The following SYNE2 variants were observed in gnomAD, a reference collection of about 807,000 sequenced individuals.
SYNE2 encodes the protein spectrin repeat containing nuclear envelope protein 2.
SYNE2 carries 431 observed loss-of-function variants against 856.3 expected under a neutral mutation model. The ratio of observed to expected loss-of-function variants is 0.50; its 90% CI spans 0.47 to 0.55. SYNE2 has a LOEUF of 0.55. Among genes scored for constraint, SYNE2 ranks in the 20% least tolerant of loss-of-function variants. SYNE2 has a pLI of 0.00. For synonymous variants in SYNE2, 2,923 were observed against 2,872.3 expected (o/e 1.02, Z -0.56); for missense variants, 8,129 against 8,023.2 (o/e 1.01, Z -0.50).
chr14:63,946,540 T>G, intron 6 of SYNE2, among the ~76,000 whole-genome samples: 1 of 147,912 alleles, frequency 6.8e-6, no homozygotes, highest in South Asian at 2.1e-4. Context: ...AGTATATACA[T>G]TATATATATT....
At chr14:63,869,657 A>AAAAC (rs1415765544) in intron 1 of SYNE2, among the ~76,000 whole-genome samples, 7 of 151,658 alleles carry the variant, frequency 4.6e-5, no homozygotes, top group African/African-American at 1.7e-4. Context: ...AAAAAAAAAA[A>AAAAC]AACTGCTCCC....
intron 19 of SYNE2, among the ~76,000 whole-genome samples, chr14:63,987,015 C>A (rs1282150899): frequency 6.6e-6 from 1 of 152,184 alleles, no homozygotes; most frequent in South Asian, 2.1e-4. Context: ...GCACTTTGGG[C>A]GGTTGAAGTG....
At chr14:63,884,966 G>A (rs34561759) in intron 1 of SYNE2, among the ~76,000 whole-genome samples, 21,113 of 152,112 alleles carry the variant, frequency 0.14, 1,608 homozygotes, top group African/African-American at 0.21. Context: ...AAGCAGAGAA[G>A]TAGCCAGAGC....
At chr14:64,190,612 C>A (rs2098513564) in intron 99 of SYNE2, 1 of 702,176 alleles carries the variant, frequency 1.4e-6, no homozygotes, top group African/African-American at 1.7e-5. Flanking sequence ...TATGGCAGAT[C>A]AGGTAAGGGC....
chr14:63,905,665 T>G (rs2095399832), intron 1 of SYNE2, among the ~76,000 whole-genome samples: 1 of 152,240 alleles, frequency 6.6e-6, no homozygotes, highest in Non-Finnish European at 1.5e-5. Context: ...GAAACCCTTC[T>G]AAAATCACAT....
intron 2 of SYNE2, among the ~76,000 whole-genome samples, chr14:63,933,168 A>C (rs1162402609): frequency 6.6e-6 from 1 of 152,052 alleles, no homozygotes; most frequent in Non-Finnish European, 1.5e-5. Flanking sequence ...AGTAGAGAAC[A>C]CTCTTGGAGA....
In SYNE2 at chr14:64,024,303, A is replaced by G. The variant is rs1447081018; in HGVS notation, c.5684A>G (p.Asp1895Gly). 6.2e-7 allele frequency: 1 copy of G among 1,614,030 alleles called. No individual in the cohort carries two copies. The highest frequency in any genetic ancestry group is 1.3e-5 in the African/African-American group (1 of 74,920). The change falls in exon 39 of 116, where the codon GAC becomes GGC. Residue 1895 changes from aspartate to glycine, a missense_variant. Transcript: ENST00000555002. ...EGRNSKIKQV[D>G]SVLKHVKKHL... is the part of the protein sequence containing the mutation. ...AGAAACAGTAAAATAAAGCAGGTGG[A>G]CAGCGTACTGAAGCATGTGAAGAAG...
chr14:64,185,119 G>T (rs1283573014), intron 96 of SYNE2, among the ~76,000 whole-genome samples: 1 of 152,182 alleles, frequency 6.6e-6, no homozygotes, highest in African/African-American at 2.4e-5. Flanking sequence ...TTAGCCAGTT[G>T]TGGTGGTGCG....
chr14:63,765,486 G>C (rs535374268), intron 1 of SYNE2, among the ~76,000 whole-genome samples: 14 of 152,194 alleles, frequency 9.2e-5, no homozygotes, highest in African/African-American at 3.1e-4. Flanking sequence ...CCGAGTAGCT[G>C]AGACTACAGG....
At chr14:63,913,077 G>A (rs953176463) in intron 2 of SYNE2, among the ~76,000 whole-genome samples, 3 of 152,042 alleles carry the variant, frequency 2.0e-5, no homozygotes, top group African/African-American at 7.2e-5. Flanking sequence ...GGTACTACAG[G>A]TGCACATCAC....
intron 70 of SYNE2, among the ~76,000 whole-genome samples, chr14:64,122,884 C>G (rs903334954): frequency 4.5e-4 from 68 of 152,218 alleles, no homozygotes; most frequent in Middle Eastern, 6.8e-3. Context: ...AGGTGGATCA[C>G]CTGAGGTCAG....
intron 1 of SYNE2, among the ~76,000 whole-genome samples, chr14:63,905,699 A>G (rs78424581): frequency 6.6e-6 from 1 of 152,192 alleles, no homozygotes; most frequent in East Asian, 1.9e-4. Context: ...GCCTTTTGGC[A>G]GAGTCTTTAG....
intron 78 of SYNE2, among the ~76,000 whole-genome samples, chr14:64,135,243 T>G (rs910960558): frequency 1.3e-5 from 2 of 152,188 alleles, no homozygotes; most frequent in African/African-American, 4.8e-5. Context: ...GAGGCAGTTA[T>G]GAAATATCAA....
chr14:64,109,544 A>G (rs1456381621), intron 65 of SYNE2, among the ~76,000 whole-genome samples: 3 of 152,218 alleles, frequency 2.0e-5, no homozygotes, highest in Admixed American at 1.3e-4. Context: ...GCTTTGAACT[A>G]TTAGGCTCCA....
At chr14:63,985,835 C>G (rs1356906780) in intron 18 of SYNE2, among the ~76,000 whole-genome samples, 1 of 151,922 alleles carries the variant, frequency 6.6e-6, no homozygotes, top group Non-Finnish European at 1.5e-5. Context: ...ACAGTGAGAC[C>G]CCATCTCTAC....
upstream of SYNE2, among the ~76,000 whole-genome samples, chr14:63,850,073 A>G (rs543106851): frequency 7.1e-4 from 96 of 134,750 alleles, 1 homozygote; most frequent in Non-Finnish European, 1.2e-3. Context: ...ATAATATGAC[A>G]ACATACTTTT....
intron 105 of SYNE2, among the ~76,000 whole-genome samples, chr14:64,213,322 T>C (rs920800883): frequency 2.6e-5 from 4 of 152,222 alleles, no homozygotes; most frequent in African/African-American, 9.6e-5. Flanking sequence ...AGAACTCTTC[T>C]GGCTTTTATT....
chr14:63,970,318 A>G (rs1480868534), intron 11 of SYNE2, among the ~76,000 whole-genome samples: 1 of 152,080 alleles, frequency 6.6e-6, no homozygotes, highest in Non-Finnish European at 1.5e-5. Flanking sequence ...CCTCCCAAGT[A>G]GCTGAGACAA....
At chr14:63,774,869 A>G (rs1216870277) in intron 1 of SYNE2, among the ~76,000 whole-genome samples, 1 of 152,194 alleles carries the variant, frequency 6.6e-6, no homozygotes, top group African/African-American at 2.4e-5. Flanking sequence ...CACTGACAGA[A>G]TTACAGCATT....
Sources: gnomAD v4.1 joint callset for allele counts (sites outside exome capture counted in the v4.1 genomes callset) on GRCh38, gnomAD v4.1.1 for gene constraint, MANE v1.5 for transcripts, NCBI Gene and HGNC (gene_info 2026-07-23, HGNC 2026-07-21) for gene names.